Variants in XPNPEP2 observed in about 807,000 individuals in gnomAD.
XPNPEP2 encodes the protein X-prolyl aminopeptidase 2.
XPNPEP2 carries 64 observed loss-of-function variants against 59.8 expected under a neutral mutation model. That is an observed-to-expected ratio of 1.07 (90% confidence interval 0.87 to 1.32). XPNPEP2 has a LOEUF of 1.32. Ranked by LOEUF, XPNPEP2 falls within the 40% of genes most tolerant of loss-of-function variation. The pLI, the probability that XPNPEP2 is intolerant of heterozygous loss-of-function variation, is 0.00. For synonymous variants in XPNPEP2, 235 were observed against 210.0 expected (o/e 1.12, Z -1.03); for missense variants, 575 against 546.8 (o/e 1.05, Z -0.51).
chrX:129,755,151 G>A (rs1295701049), intron 12 of XPNPEP2, 143 bp from the exon 13 acceptor site: 2 of 507,424 alleles, frequency 3.9e-6, no homozygotes, highest in East Asian at 6.8e-5. Context: ...GATGGAACCA[G>A]GAGGTGAGGG....
intron 14 of XPNPEP2, among the ~76,000 whole-genome samples, 193 bp from the exon 15 acceptor site, chrX:129,758,987 T>A (rs767112604): frequency 9.0e-6 from 1 of 111,715 alleles, no homozygotes; most frequent in African/African-American, 3.3e-5. Flanking sequence ...TAGTAACTTT[T>A]AACTTGATAG....
chrX:129,753,320 C>T (rs1320100810), intron 11 of XPNPEP2, 72 bp downstream of exon 11: 1 of 997,236 alleles, frequency 1.0e-6, no homozygotes, highest in East Asian at 3.1e-5. Context: ...GAAAGGCCTC[C>T]AGAAGAGCCT....
chrX:129,742,536 G>C (rs1276528711), intron 2 of XPNPEP2, among the ~76,000 whole-genome samples: 1 of 110,458 alleles, frequency 9.1e-6, no homozygotes, highest in Non-Finnish European at 1.9e-5. Context: ...GCAGAGGAAA[G>C]AAAAGACAAA....
Position 129,743,203 on chromosome X carries a change from G to A in XPNPEP2, c.124-758G>A, listed in dbSNP as rs150858633. Among the ~76,000 whole-genome samples, 599 of 112,629 alleles carry A rather than the reference G, an allele frequency of 5.3e-3. 7 individuals carry two copies. Among genetic ancestry groups the A allele is most frequent in the African/African-American group, 0.018 (557 of 30,974 alleles). On this transcript the variant is annotated intron_variant, in intron 2 of 20. Transcript: ENST00000371106. ...TTACTTTTATATTAAAACAAACATGGATATATCGTGGAGTAGAAAGCAAAA... is the reference window on the plus strand; with the variant it reads ...TTACTTTTATATTAAAACAAACATGAATATATCGTGGAGTAGAAAGCAAAA...
intron 19 of XPNPEP2, among the ~76,000 whole-genome samples, chrX:129,764,831 G>T (rs1391105076): frequency 9.1e-6 from 1 of 109,775 alleles, no homozygotes; most frequent in Admixed American, 9.8e-5. Context: ...AGGCGTGGTA[G>T]TGTGTGCCTG....
chrX:129,742,760 G>A (rs12011992), intron 2 of XPNPEP2, among the ~76,000 whole-genome samples: 12,780 of 111,023 alleles, frequency 0.12, 1,451 homozygotes, highest in East Asian at 0.41. Flanking sequence ...AAATTAGCCA[G>A]GCATGGTGGC....
chrX:129,765,082 A>G lies in XPNPEP2; in HGVS notation c.1740+2312A>G, dbSNP rs1321290273. Among the ~76,000 whole-genome samples the G allele has an allele frequency of 5.3e-5, 6 of 112,548 alleles. No individual in the cohort carries two copies. In the East Asian group the frequency reaches 1.7e-3, roughly 31 times the overall value. On this transcript the variant is annotated intron_variant, in intron 19 of 20. Transcript: ENST00000371106. ...AGCGTATGTATCTATCTATGTATATATTTTGAAAATACAAACAAAATGGAT... is the reference window on the plus strand; with the variant it reads ...AGCGTATGTATCTATCTATGTATATGTTTTGAAAATACAAACAAAATGGAT...
At chrX:129,767,234 A>T (rs139201445) in intron 19 of XPNPEP2, among the ~76,000 whole-genome samples, 1,516 of 111,884 alleles carry the variant, frequency 0.014, 22 homozygotes, top group African/African-American at 0.047. Flanking sequence ...AAATAAAATA[A>T]TTGAAATTTA....
In XPNPEP2 at chrX:129,755,328, A is replaced by G. The variant is rs764615398; in HGVS notation, c.1252A>G (p.Thr418Ala). ...EQFSSGPSFE[T>A]ISASGLNAAL... ...GTTCTCCTCCGGACCCAGTTTTGAAACCATCTCTGCTAGTGGTCTGAATGC... is the reference window on the plus strand; with the variant it reads ...GTTCTCCTCCGGACCCAGTTTTGAAGCCATCTCTGCTAGTGGTCTGAATGC... Residue 418 changes from threonine (T) to alanine (A), a missense_variant, in exon 13 of 21, where the codon ACC (threonine) becomes GCC (alanine). Thr to Ala is a moderately conservative substitution (Grantham distance 58). Transcript: ENST00000371106. The G allele has an allele frequency of 2.4e-5, 29 of 1,210,068 alleles. No individual in the cohort carries two copies. Among genetic ancestry groups the G allele is most frequent in the Non-Finnish European group, 2.9e-5 (26 of 895,189 alleles).
chrX:129,757,523 T>C (rs1292928075), intron 14 of XPNPEP2, among the ~76,000 whole-genome samples: 1 of 107,781 alleles, frequency 9.3e-6, no homozygotes, highest in African/African-American at 3.4e-5. Flanking sequence ...TAGACTAACC[T>C]GGCCAGGCGT....
intron 8 of XPNPEP2, among the ~76,000 whole-genome samples, chrX:129,751,096 A>ACCCCCCCCCC (rs1926383731): frequency 4.2e-5 from 1 of 23,852 alleles, no homozygotes. Flanking sequence ...AAAGACGCCC[A>ACCCCCCCCCC]CTCCCCCACC....
chrX:129,757,572 G>A (rs1005661064), intron 14 of XPNPEP2, among the ~76,000 whole-genome samples: 14 of 107,810 alleles, frequency 1.3e-4, no homozygotes, highest in Admixed American at 8.2e-4. Flanking sequence ...TTGGGAGGCC[G>A]AGGCGGGCAG....
chrX:129,741,325 C>G (rs1315970801), intron 1 of XPNPEP2, among the ~76,000 whole-genome samples: 2 of 112,189 alleles, frequency 1.8e-5, no homozygotes, highest in Non-Finnish European at 3.8e-5. Flanking sequence ...GCGCTCACCT[C>G]TTTTGTATTA....
At chrX:129,757,796 GAAGAAAGA>G (rs57433903) in intron 14 of XPNPEP2, among the ~76,000 whole-genome samples, 2,433 of 33,463 alleles carry the variant, frequency 0.073, 127 homozygotes, top group African/African-American at 0.12. Flanking sequence ...ACTATAAAAG[GAAGAAAGA>G]AAGAAAGAAA....
At chrX:129,760,200 G>C (rs1328505001) in intron 15 of XPNPEP2, among the ~76,000 whole-genome samples, 2 of 112,593 alleles carry the variant, frequency 1.8e-5, no homozygotes, top group Non-Finnish European at 3.8e-5. Context: ...GAGTGGCTAA[G>C]TCAGGATTCA....
rs758471127 is a variant in XPNPEP2, at chrX:129,753,258, C to T, written c.1107+10C>T. 9 of 1,201,706 alleles carry T rather than the reference C, an allele frequency of 7.5e-6. No homozygotes were observed. The highest frequency in any genetic ancestry group is 3.5e-5 in the South Asian group (2 of 56,648). ...CCTCAAGGCCAGCCACGTAAGTCCA[C>T]GTTCAGGCAGACATGGCCTTTTGGG... On this transcript the variant is annotated intron_variant, in intron 11 of 20. Coordinates refer to ENST00000371106, the MANE Select transcript of XPNPEP2 (RefSeq NM_003399.6).
chrX:129,757,849 AAGAAAGAAAG>A lies in XPNPEP2; in HGVS notation c.1367+1297_1367+1306del, dbSNP rs1430964662. On this transcript the variant is annotated intron_variant, in intron 14 of 20. Transcript: ENST00000371106. The stretch of plus-strand genomic sequence containing the variant: ...AAAGAAAGAAAGAAAGAAAGAAAGA[AAGAAAGAAAG>A]AGGGAGAGAGAGAAAGAGAGAGAGA... Among the ~76,000 whole-genome samples, 3 of 84,241 alleles carry A rather than the reference AAGAAAGAAAG, an allele frequency of 3.6e-5. No homozygotes were observed. In the East Asian group the frequency reaches 1.1e-3, roughly 31 times the overall value. The allele number at this position is 84,241 out of a possible 115,157, so 73.2% of individuals were successfully genotyped here.
At position 129,739,316 on chromosome X, in the gene XPNPEP2, C is replaced by A. The variant is rs886259543; in HGVS notation, c.49+54C>A. The A allele has an allele frequency of 3.5e-6, 4 of 1,154,792 alleles. No homozygotes were observed. In the East Asian group the frequency reaches 1.2e-4, roughly 34 times the overall value. The stretch of plus-strand genomic sequence containing the variant: ...GCAGCTCTGACCTCTCCCCTCTGAG[C>A]TCAGAAAGGGTTGGAGTGAGGGTTG... On this transcript the variant is annotated intron_variant, in intron 1 of 20. Transcript: ENST00000371106.
At chrX:129,759,853 C>G (rs1372126376) in intron 15 of XPNPEP2, among the ~76,000 whole-genome samples, 4 of 112,549 alleles carry the variant, frequency 3.6e-5, no homozygotes, top group Non-Finnish European at 7.5e-5. Context: ...GCCTGTGAAC[C>G]TGTGTGGTGA....
Sources: allele counts gnomAD v4.1 joint callset (sites outside exome capture counted in the v4.1 genomes callset), GRCh38; gene constraint gnomAD v4.1.1; transcripts MANE v1.5; gene names NCBI Gene and HGNC (gene_info 2026-07-23, HGNC 2026-07-21).